SMIM10L3: variants seen among roughly 807,000 people sequenced by gnomAD.
SMIM10L3 encodes the protein salivary gland specific protein SAGSIN1.
the SMIM10L3 span, among the ~76,000 whole-genome samples, chr7:6,333,638 ACAGG>A: frequency 1.5e-4 from 22 of 151,522 alleles, no homozygotes; most frequent in African/African-American, 4.8e-4. Flanking sequence ...CACTGGGATT[ACAGG>A]CAGGCACCAC....
the SMIM10L3 span, chr7:6,348,546 G>A: frequency 1.0e-3 from 434 of 424,182 alleles, 1 homozygote; most frequent in African/African-American, 7.6e-3. Flanking sequence ...GGGAGGGCCG[G>A]GGGCCGGGCA....
the SMIM10L3 span, among the ~76,000 whole-genome samples, chr7:6,334,105 C>G: frequency 6.6e-6 from 1 of 151,444 alleles, no homozygotes; most frequent in Non-Finnish European, 1.5e-5. Context: ...CTTGGCCTCC[C>G]AAAGTGCTGG....
the SMIM10L3 span, among the ~76,000 whole-genome samples, chr7:6,344,468 C>G: frequency 2.0e-5 from 3 of 151,996 alleles, no homozygotes; most frequent in Admixed American, 6.6e-5. Flanking sequence ...TGTTGCCCAG[C>G]CTGGAGTACA....
chr7:6,336,462 C>G, the SMIM10L3 span, among the ~76,000 whole-genome samples: 1 of 152,126 alleles, frequency 6.6e-6, no homozygotes, highest in Non-Finnish European at 1.5e-5. Flanking sequence ...AGGCAGATCT[C>G]TTGAGGTCAG....
At chr7:6,329,456 C>T in the SMIM10L3 span, 7 of 152,500 alleles carry the variant, frequency 4.6e-5, no homozygotes, top group South Asian at 1.4e-3. Context: ...TTTTATTTTT[C>T]ATTTTCCCCA....
chr7:6,333,898 G>A, the SMIM10L3 span, among the ~76,000 whole-genome samples: 1 of 141,398 alleles, frequency 7.1e-6, no homozygotes, highest in East Asian at 2.1e-4. Flanking sequence ...CCAGGCTGGA[G>A]TGCAGTGGCG....
At chr7:6,342,300 T>C in the SMIM10L3 span, among the ~76,000 whole-genome samples, 1 of 152,008 alleles carries the variant, frequency 6.6e-6, no homozygotes, top group Non-Finnish European at 1.5e-5. Flanking sequence ...ATCCCAGCAC[T>C]CTGGGAGGCC....
chr7:6,346,045 A>C, the SMIM10L3 span, among the ~76,000 whole-genome samples: 1 of 152,292 alleles, frequency 6.6e-6, no homozygotes, highest in Non-Finnish European at 1.5e-5. Context: ...CTGGGATTAC[A>C]GGCATGAGAC....
chr7:6,330,748 C>A, the SMIM10L3 span: 1 of 1,614,146 alleles, frequency 6.2e-7, no homozygotes, highest in East Asian at 2.2e-5. Flanking sequence ...GTCAGTGGCC[C>A]TGGGCCCTCC....
At chr7:6,343,052 A>C in the SMIM10L3 span, among the ~76,000 whole-genome samples, 1 of 150,052 alleles carries the variant, frequency 6.7e-6, no homozygotes, top group Non-Finnish European at 1.5e-5. Flanking sequence ...AAAAAAAGAA[A>C]AAAGAAAGAA....
At chr7:6,331,825 C>G in the SMIM10L3 span, among the ~76,000 whole-genome samples, 2 of 150,376 alleles carry the variant, frequency 1.3e-5, no homozygotes, top group Middle Eastern at 3.3e-3. Flanking sequence ...ACTGCAACCA[C>G]TACCTCTCAG....
chr7:6,339,130 C>T, the SMIM10L3 span, among the ~76,000 whole-genome samples: 1 of 152,192 alleles, frequency 6.6e-6, no homozygotes, highest in Non-Finnish European at 1.5e-5. Flanking sequence ...AAGGAACACA[C>T]TAACATCACT....
chr7:6,332,090 C>T, the SMIM10L3 span, among the ~76,000 whole-genome samples: 19 of 144,278 alleles, frequency 1.3e-4, no homozygotes, highest in Non-Finnish European at 2.7e-4. Flanking sequence ...CCAGCCTGGG[C>T]GACAGCTAGA....
chr7:6,344,148 GAA>G, the SMIM10L3 span, among the ~76,000 whole-genome samples: 3 of 120,166 alleles, frequency 2.5e-5, no homozygotes, highest in Non-Finnish European at 3.6e-5. Context: ...TGAAGAACAA[GAA>G]AAAAAAAAAA....
At chr7:6,333,168 CAA>C in the SMIM10L3 span, among the ~76,000 whole-genome samples, 238 of 127,990 alleles carry the variant, frequency 1.9e-3, 2 homozygotes, top group African/African-American at 4.9e-3. Flanking sequence ...ATAAAAAAAT[CAA>C]AAAAAAAAAA....
the SMIM10L3 span, chr7:6,330,231 C>G: frequency 1.2e-6 from 1 of 809,128 alleles, no homozygotes; most frequent in Non-Finnish European, 1.9e-6. Flanking sequence ...TGAATTTAAA[C>G]TCAATTTACT....
At chr7:6,343,704 T>C in the SMIM10L3 span, among the ~76,000 whole-genome samples, 1 of 152,054 alleles carries the variant, frequency 6.6e-6, no homozygotes, top group Non-Finnish European at 1.5e-5. Flanking sequence ...AGTATACAAC[T>C]GTCTGCATCA....
At chr7:6,344,723 C>T in the SMIM10L3 span, among the ~76,000 whole-genome samples, 1 of 151,920 alleles carries the variant, frequency 6.6e-6, no homozygotes, top group South Asian at 2.1e-4. Flanking sequence ...CTGGCCCACT[C>T]AATTCTTTTT....
chr7:6,334,711 C>A, the SMIM10L3 span, among the ~76,000 whole-genome samples: 4 of 152,116 alleles, frequency 2.6e-5, no homozygotes, highest in Admixed American at 1.3e-4. Context: ...GGCAGTCCAC[C>A]TGCCTTGGCC....
Sources: allele counts gnomAD v4.1 joint callset (sites outside exome capture counted in the v4.1 genomes callset), GRCh38; gene constraint gnomAD v4.1.1; transcripts MANE v1.5; gene names NCBI Gene and HGNC (gene_info 2026-07-23, HGNC 2026-07-21).